IQGAP2: variants seen among roughly 807,000 people sequenced by gnomAD.
IQGAP2 encodes ras GTPase-activating-like protein IQGAP2.
In IQGAP2, 173 loss-of-function variants were observed where a neutral mutation model predicts 201.3. The ratio of observed to expected loss-of-function variants is 0.86; its 90% CI spans 0.76 to 0.98. The LOEUF is 0.98. Among genes scored for constraint, IQGAP2 ranks in the 50% least tolerant of loss-of-function variants. IQGAP2 has a pLI of 0.00. For synonymous variants in IQGAP2, 675 were observed against 673.9 expected (o/e 1.00, Z -0.03); for missense variants, 1,687 against 1,864.8 (o/e 0.90, Z 1.76).
intron 2 of IQGAP2, among the ~76,000 whole-genome samples, chr5:76,549,341 G>A (rs1465518663): frequency 6.6e-6 from 1 of 151,778 alleles, no homozygotes; most frequent in Non-Finnish European, 1.5e-5. Context: ...GTGTGTGTGT[G>A]TGTGTGCTTT....
intron 6 of IQGAP2, among the ~76,000 whole-genome samples, 161 bp from the exon 7 acceptor site, chr5:76,589,454 T>C (rs1746488095): frequency 6.6e-6 from 1 of 152,212 alleles, no homozygotes; most frequent in Non-Finnish European, 1.5e-5. Flanking sequence ...TCCATGTTTG[T>C]GAAATGAGAA....
At chr5:76,672,229 G>A (rs1744394981) in intron 24 of IQGAP2, among the ~76,000 whole-genome samples, 1 of 152,104 alleles carries the variant, frequency 6.6e-6, no homozygotes, top group Non-Finnish European at 1.5e-5. Flanking sequence ...TATTTTCTTT[G>A]TGTATTTCTA....
At chr5:76,517,800 T>C (rs919240728) in intron 2 of IQGAP2, among the ~76,000 whole-genome samples, 7 of 152,032 alleles carry the variant, frequency 4.6e-5, no homozygotes, top group South Asian at 4.2e-4. Context: ...GTTGTAAGGG[T>C]TAAATGAAAA....
At chr5:76,567,549 T>C (rs899512739) in intron 3 of IQGAP2, among the ~76,000 whole-genome samples, 3 of 152,176 alleles carry the variant, frequency 2.0e-5, no homozygotes, top group Admixed American at 2.0e-4. Context: ...CTAGTGAATA[T>C]TGGAGGCAGT....
chr5:76,587,003 T>C (rs2031158322), intron 5 of IQGAP2, among the ~76,000 whole-genome samples: 2 of 152,194 alleles, frequency 1.3e-5, no homozygotes, highest in South Asian at 4.1e-4. Context: ...GTTATAAAAG[T>C]CATTGAACCC....
chr5:76,645,720 G>A (rs541217947), intron 17 of IQGAP2, among the ~76,000 whole-genome samples: 3 of 151,726 alleles, frequency 2.0e-5, no homozygotes, highest in Admixed American at 6.6e-5. Flanking sequence ...GTTTGGAAAC[G>A]TAAAAAAACT....
At chr5:76,639,140 C>T (rs1751371472) in intron 16 of IQGAP2, among the ~76,000 whole-genome samples, 1 of 152,142 alleles carries the variant, frequency 6.6e-6, no homozygotes, top group Non-Finnish European at 1.5e-5. Flanking sequence ...CACTTTGATC[C>T]CTAAATTATC....
At chr5:76,513,130 T>G (rs946210658) in intron 2 of IQGAP2, among the ~76,000 whole-genome samples, 1 of 152,114 alleles carries the variant, frequency 6.6e-6, no homozygotes, top group Admixed American at 6.5e-5. Context: ...TTTTAAATGC[T>G]TTTTCATTGG....
intron 17 of IQGAP2, among the ~76,000 whole-genome samples, chr5:76,647,847 A>G (rs1752182500): frequency 6.6e-6 from 1 of 151,570 alleles, no homozygotes; most frequent in Non-Finnish European, 1.5e-5. Flanking sequence ...ACACACACAC[A>G]CACAAACGAA....
chr5:76,657,200 A>G (rs562043298), intron 20 of IQGAP2, among the ~76,000 whole-genome samples: 2 of 152,370 alleles, frequency 1.3e-5, no homozygotes, highest in Admixed American at 1.3e-4. Flanking sequence ...ATATGAAGAG[A>G]CACAACCCTT....
At chr5:76,577,965 G>A (rs889284802) in intron 5 of IQGAP2, among the ~76,000 whole-genome samples, 1 of 152,172 alleles carries the variant, frequency 6.6e-6, no homozygotes, top group Non-Finnish European at 1.5e-5. Flanking sequence ...AGCTTGCCAG[G>A]CGCTGCCTTC....
At chr5:76,495,963 G>A (rs758909500) in intron 2 of IQGAP2, among the ~76,000 whole-genome samples, 2 of 152,160 alleles carry the variant, frequency 1.3e-5, no homozygotes, top group African/African-American at 2.4e-5. Context: ...CATCCAAACC[G>A]TATCAGGTAG....
chr5:76,417,010 T>A (rs1259638318), intron 1 of IQGAP2, among the ~76,000 whole-genome samples: 1 of 151,968 alleles, frequency 6.6e-6, no homozygotes, highest in African/African-American at 2.4e-5. Context: ...AAAAAATTTT[T>A]TTTTGTAGAA....
chr5:76,638,387 GA>G (rs1444672656), intron 16 of IQGAP2, among the ~76,000 whole-genome samples: 1 of 151,984 alleles, frequency 6.6e-6, no homozygotes, highest in African/African-American at 2.4e-5. Context: ...CCCGGGGAGG[GA>G]AAAAAGCCCA....
intron 13 of IQGAP2, among the ~76,000 whole-genome samples, chr5:76,623,656 C>T (rs962399490): frequency 5.9e-5 from 9 of 152,168 alleles, no homozygotes; most frequent in Admixed American, 4.6e-4. Context: ...ATTTCTTATC[C>T]GTTTTAAAAA....
chr5:76,623,341 G>A, intron 13 of IQGAP2: 1 of 1,333,086 alleles, frequency 7.5e-7, no homozygotes. Flanking sequence ...TGGTCTGTCT[G>A]TAGAAGTTTG....
At position 76,439,264 on chromosome 5, in the gene IQGAP2, A is replaced by T. The variant is rs184941587; in HGVS notation, c.47-22306A>T. 1.6e-3 allele frequency among the ~76,000 whole-genome samples: 240 copies of T among 152,322 alleles called. 1 individual carries two copies. Among genetic ancestry groups the T allele is most frequent in the African/African-American group, 5.6e-3 (232 of 41,558 alleles). On this transcript the variant is annotated intron_variant, in intron 1 of 35. Coordinates refer to ENST00000274364, the MANE Select transcript of IQGAP2 (RefSeq NM_006633.5). Reference sequence around the variant, plus strand: ...ATTTTACTGAGACTTGTGGACTATCATATGGTCTATCTTGGAGAATGTTTC... The same window carrying T: ...ATTTTACTGAGACTTGTGGACTATCTTATGGTCTATCTTGGAGAATGTTTC...
At chr5:76,522,482 C>T (rs1758745477) in intron 2 of IQGAP2, among the ~76,000 whole-genome samples, 1 of 152,160 alleles carries the variant, frequency 6.6e-6, no homozygotes, top group Admixed American at 6.5e-5. Flanking sequence ...CGCGCCTGGC[C>T]ATTTAACAGC....
chr5:76,575,831 CA>C, intron 5 of IQGAP2, 62 bp downstream of exon 5: 1 of 956,894 alleles, frequency 1.0e-6, no homozygotes, highest in Non-Finnish European at 1.5e-6. Flanking sequence ...ACTAAAATTT[CA>C]ATTTTAAAAG....
Sources: allele counts gnomAD v4.1 joint callset (sites outside exome capture counted in the v4.1 genomes callset), GRCh38; gene constraint gnomAD v4.1.1; transcripts MANE v1.5; gene names NCBI Gene and HGNC (gene_info 2026-07-23, HGNC 2026-07-21).